Variants in FANCD2OS observed in about 807,000 individuals in gnomAD.
FANCD2OS encodes FANCD2 opposite strand.
In FANCD2OS, 11 loss-of-function variants were observed where a neutral mutation model predicts 13.2. The observed-to-expected ratio is 0.83, with a 90% CI of 0.52 to 1.38. The LOEUF (loss-of-function observed/expected upper bound fraction) is 1.38. Ranked by LOEUF, FANCD2OS falls within the 40% of genes most tolerant of loss-of-function variation. The pLI is 0.00. For synonymous variants in FANCD2OS, 69 were observed against 84.5 expected (o/e 0.82, Z 1.01); for missense variants, 217 against 213.9 (o/e 1.01, Z -0.09).
downstream of FANCD2OS, among the ~76,000 whole-genome samples, chr3:10,103,549 G>A (rs931411758): frequency 5.9e-5 from 9 of 152,112 alleles, no homozygotes; most frequent in African/African-American, 9.7e-5. Flanking sequence ...TAGTCCAGCC[G>A]TGATGACAGA....
chr3:10,104,271 C>T lies in FANCD2OS; in HGVS notation c.504G>A (p.Lys168=). The T allele has an allele frequency of 6.2e-7, 1 of 1,612,376 alleles. No homozygotes were observed. Among genetic ancestry groups the T allele is most frequent in the Non-Finnish European group, 8.5e-7 (1 of 1,179,150 alleles). Residue 168 remains lysine, a synonymous_variant, in exon 2 of 2, where the codon AAG becomes AAA. Coordinates refer to ENST00000450660, the MANE Select transcript of FANCD2OS (RefSeq NM_001164839.2). The part of the protein sequence containing the change: ...SILLLYATYK[K]CTFALQHSK ...TGGAGTGCTGCAAGGCAAAGGTGCA[C>T]TTTTTGTAAGTTGCATACAGCAAGA... is the stretch of plus-strand genomic sequence containing the variant.
At chr3:10,102,495 G>T (rs1214329108), downstream of FANCD2OS, among the ~76,000 whole-genome samples, 2 of 151,966 alleles carry the variant, frequency 1.3e-5, no homozygotes, top group African/African-American at 4.8e-5. Flanking sequence ...TGTTTTGGCT[G>T]CTTTTAAAAT....
chr3:10,100,593 A>G (rs748995059), downstream of FANCD2OS, among the ~76,000 whole-genome samples: 3 of 152,126 alleles, frequency 2.0e-5, no homozygotes, highest in Non-Finnish European at 4.4e-5. Context: ...GCTGGTCTCG[A>G]ACTCCTAACC....
At chr3:10,083,490 A>T (rs1488220485) in intron 2 of FANCD2OS, 2 of 152,182 alleles carry the variant, frequency 1.3e-5, no homozygotes, top group African/African-American at 4.8e-5. Context: ...ACAATGGTAC[A>T]TCCATATTGG....
Position 10,104,441 on chromosome 3 carries a change from G to A in FANCD2OS, c.334C>T (p.Pro112Ser). The change falls in exon 2 of 2, where the codon CCA (proline) becomes TCA (serine). Residue 112 changes from proline (P) to serine (S), a missense_variant. Transcript: ENST00000450660. ...ACTCTGAAAGTCCCGGTCCACTTTGGTGGCTGAGCTGTGATAACCCTGCCA... is the reference window on the plus strand; with the variant it reads ...ACTCTGAAAGTCCCGGTCCACTTTGATGGCTGAGCTGTGATAACCCTGCCA... The part of the protein sequence containing the change: ...VFGRVITAQP[P>S]KWTGTFRVSD... 1.9e-6 allele frequency: 3 copies of A among 1,614,182 alleles called. No homozygotes were observed. The highest frequency in any genetic ancestry group is 1.1e-5 in the South Asian group (1 of 91,078).
intron 2 of FANCD2OS, among the ~76,000 whole-genome samples, chr3:10,084,592 AC>A (rs1694067224): frequency 6.6e-6 from 1 of 152,108 alleles, no homozygotes; most frequent in Non-Finnish European, 1.5e-5. Flanking sequence ...GAGCCACCAT[AC>A]CTGGCCCAAA....
chr3:10,085,761 C>T, intron 2 of FANCD2OS: 1 of 1,146,448 alleles, frequency 8.7e-7, no homozygotes, highest in Non-Finnish European at 1.3e-6. Flanking sequence ...AAATACTATC[C>T]AAGTAGTTTT....
Position 10,105,831 on chromosome 3 carries a change from C to A in FANCD2OS, c.-8-1049G>T, listed in dbSNP as rs545033652. Among the ~76,000 whole-genome samples the A allele has an allele frequency of 5.4e-5, 6 of 112,132 alleles. No homozygotes were observed. The East Asian group carries it at 1.5e-3, about 29-fold the overall frequency. The allele number at this position is 112,132 out of a possible 152,430, so 73.6% of individuals were successfully genotyped here. On this transcript the variant is annotated intron_variant, in intron 1 of 1. Transcript: ENST00000450660. ...ATATATATATATATATTTTGAGGTT[C>A]GCGATGTATGAACCCTGTAGTAGCA...
At chr3:10,091,082 CT>C (rs893693945) in intron 2 of FANCD2OS, among the ~76,000 whole-genome samples, 37 of 147,500 alleles carry the variant, frequency 2.5e-4, no homozygotes, top group African/African-American at 8.0e-4. Flanking sequence ...TATGTTTTTT[CT>C]TTTTTTTTTC....
rs1694828305 is a variant in FANCD2OS at position 10,094,375 on chromosome 3, G to A, written c.*43+9823C>T. ...TTAGAAAACACCGGGTAAGAGCTAAGAGCAGAGAACAAAGATATGCACTGA... is the reference window on the plus strand; with the variant it reads ...TTAGAAAACACCGGGTAAGAGCTAAAAGCAGAGAACAAAGATATGCACTGA... On this transcript the variant is annotated intron_variant, in intron 2 of 2. Coordinates refer to the FANCD2OS transcript ENST00000524279. The A allele has an allele frequency of 6.8e-6, 11 of 1,609,884 alleles. No individual in the cohort carries two copies. The East Asian group carries it at 2.5e-4, about 36-fold the overall frequency.
intron 2 of FANCD2OS, among the ~76,000 whole-genome samples, chr3:10,097,896 C>T (rs1288221213): frequency 1.3e-5 from 2 of 152,282 alleles, no homozygotes; most frequent in East Asian, 1.9e-4. Context: ...TCACAATCCA[C>T]GTTCTTCTGT....
intron 2 of FANCD2OS, among the ~76,000 whole-genome samples, chr3:10,090,721 G>C (rs1181611291): frequency 2.0e-5 from 3 of 152,206 alleles, no homozygotes. Flanking sequence ...GCCTCCCAAA[G>C]TGCTGAGATT....
At position 10,085,390 on chromosome 3, in the gene FANCD2OS, CT is replaced by C. The variant is rs919076257; in HGVS notation, c.*44-3860del. On this transcript the variant is annotated intron_variant, in intron 2 of 2. Transcript: ENST00000524279. ...CCATTTCAATTCTTTTTTCTTTTTT[CT>C]TTCTTTTTTTTTTTTTTTTGAGATG... Among the ~76,000 whole-genome samples the C allele has an allele frequency of 4.6e-4, 68 of 146,484 alleles. 1 individual carries two copies. Among genetic ancestry groups the C allele is most frequent in the Non-Finnish European group, 8.6e-4 (57 of 66,366 alleles).
downstream of FANCD2OS, chr3:10,099,365 G>A (rs905224776): frequency 1.0e-4 from 120 of 1,167,746 alleles, no homozygotes; most frequent in Non-Finnish European, 1.2e-4. Context: ...GCTCATGCTT[G>A]TAATCCTAGC....
rs944251266 is a variant in FANCD2OS, at chr3:10,092,355, T to G, written c.*44-10824A>C. The G allele has an allele frequency of 7.5e-5, 66 of 883,124 alleles. No homozygotes were observed. In the African/African-American group the frequency reaches 1.1e-3, roughly 14 times the overall value. 54.7% of individuals were successfully genotyped at this position (883,124 alleles called of 1,614,324 possible). A position where few individuals can be genotyped will look rare whatever the true frequency, so the allele number is the denominator to read the frequency against. ...CCTTGCTCCTCTTCCCACTCTTCCT[T>G]GGGGCCTGCTCTCCCTGAGTCGTCT... On this transcript the variant is annotated intron_variant, in intron 2 of 2. Transcript: ENST00000524279.
chr3:10,096,216 C>T, intron 2 of FANCD2OS: 1 of 1,085,728 alleles, frequency 9.2e-7, no homozygotes, highest in South Asian at 1.3e-5. Context: ...ATACCGTTGG[C>T]CCATACTGGC....
intron 2 of FANCD2OS, among the ~76,000 whole-genome samples, chr3:10,082,926 C>T (rs1429510888): frequency 1.3e-5 from 2 of 152,110 alleles, no homozygotes; most frequent in Non-Finnish European, 2.9e-5. Context: ...TTATAGATGG[C>T]AAATAAACAT....
At chr3:10,086,399 T>C (rs1482131612) in intron 2 of FANCD2OS, among the ~76,000 whole-genome samples, 2 of 152,140 alleles carry the variant, frequency 1.3e-5, no homozygotes, top group Non-Finnish European at 2.9e-5. Context: ...TCAGAGTGAC[T>C]TGGTCTTTCT....
In FANCD2OS at chr3:10,081,532, C is replaced by A; in HGVS notation, c.*44-1G>T. 1.2e-5 allele frequency: 13 copies of A among 1,062,272 alleles called. No individual in the cohort carries two copies. Among genetic ancestry groups the A allele is most frequent in the Non-Finnish European group, 1.9e-5 (13 of 676,742 alleles). The allele number at this position is 1,062,272 out of a possible 1,614,324, so 65.8% of individuals were successfully genotyped here. ...CTTTTATTTGACAGTCACCAAGGCACTGAAATGTAGAAAAGAAAGAAAAGG... is the reference window on the plus strand; with the variant it reads ...CTTTTATTTGACAGTCACCAAGGCAATGAAATGTAGAAAAGAAAGAAAAGG... On this transcript the variant is annotated splice_acceptor_variant, in intron 2 of 2. Transcript: ENST00000524279. LOFTEE classifies it low-confidence loss of function (3UTR_SPLICE).
Sources: allele counts gnomAD v4.1 joint callset (sites outside exome capture counted in the v4.1 genomes callset), GRCh38; gene constraint gnomAD v4.1.1; transcripts MANE v1.5; gene names NCBI Gene and HGNC (gene_info 2026-07-23, HGNC 2026-07-21).